CHRNA5: variants seen among roughly 807,000 people sequenced by gnomAD.
The protein encoded by CHRNA5 is neuronal acetylcholine receptor subunit alpha-5.
A neutral mutation model predicts 41.2 loss-of-function variants in CHRNA5; 28 were observed. The observed-to-expected ratio is 0.68, with a 90% CI of 0.50 to 0.93. The LOEUF is 0.93. Ranked by LOEUF, CHRNA5 falls within the 40% of genes least tolerant of loss-of-function variation. The pLI is 0.00. For missense variants in CHRNA5, 481 were observed against 581.9 expected (o/e 0.83, Z 1.78); for synonymous variants, 188 against 205.8 (o/e 0.91, Z 0.74).
chr15:78,584,220 G>A (rs909390651), intron 2 of CHRNA5, among the ~76,000 whole-genome samples: 2 of 152,098 alleles, frequency 1.3e-5, no homozygotes, highest in African/African-American at 4.8e-5. Flanking sequence ...TAAGCTCCCC[G>A]GAATCATATT....
intron 2 of CHRNA5, 23 bp downstream of exon 2, chr15:78,580,985 A>G (rs2052909363): frequency 6.2e-7 from 1 of 1,604,846 alleles, no homozygotes; most frequent in East Asian, 2.2e-5. Flanking sequence ...ATCCTTCTAT[A>G]GTCAATTTCC....
chr15:78,570,609 C>T (rs937590517), intron 1 of CHRNA5, among the ~76,000 whole-genome samples: 2 of 151,884 alleles, frequency 1.3e-5, no homozygotes, highest in African/African-American at 2.4e-5. Context: ...ATGCTCTTCT[C>T]TTCCAAAGTG....
At chr15:78,570,521 T>C (rs1205859303) in intron 1 of CHRNA5, among the ~76,000 whole-genome samples, 1 of 146,898 alleles carries the variant, frequency 6.8e-6, no homozygotes, top group Non-Finnish European at 1.5e-5. Context: ...CCGCCCGCCT[T>C]GGCTTCGCAA....
At chr15:78,583,198 C>T (rs2052928952) in intron 2 of CHRNA5, among the ~76,000 whole-genome samples, 1 of 152,102 alleles carries the variant, frequency 6.6e-6, no homozygotes, top group Non-Finnish European at 1.5e-5. Context: ...ACCTGATAGG[C>T]AACAGACACG....
At chr15:78,577,390 T>A (rs1297907306) in intron 1 of CHRNA5, among the ~76,000 whole-genome samples, 1 of 152,148 alleles carries the variant, frequency 6.6e-6, no homozygotes, top group East Asian at 1.9e-4. Flanking sequence ...ACTATCAAGG[T>A]TTTATGCTAA....
At chr15:78,574,499 T>C (rs538855117) in intron 1 of CHRNA5, among the ~76,000 whole-genome samples, 65 of 152,218 alleles carry the variant, frequency 4.3e-4, no homozygotes, top group Non-Finnish European at 2.8e-4. Context: ...TAAGATAATG[T>C]ACTTTATTTC....
At chr15:78,576,811 A>C (rs746535067) in intron 1 of CHRNA5, among the ~76,000 whole-genome samples, 52 of 151,864 alleles carry the variant, frequency 3.4e-4, no homozygotes, top group Non-Finnish European at 6.2e-4. Context: ...AAAAAAAAAA[A>C]AACAAAAAAA....
In CHRNA5 at chr15:78,565,838, T is replaced by G. The variant is rs2052741989; in HGVS notation, c.106+13T>G. The G allele has an allele frequency of 1.7e-6, 2 of 1,205,816 alleles. No homozygotes were observed. The highest frequency in any genetic ancestry group is 3.3e-5 in the African/African-American group (2 of 60,944). 74.7% of individuals were successfully genotyped at this position (1,205,816 alleles called of 1,614,324 possible). A position where few individuals can be genotyped will look rare whatever the true frequency, so the allele number is the denominator to read the frequency against. On this transcript the variant is annotated intron_variant, in intron 1 of 5. Transcript: ENST00000299565. ...GGCGCGCAGAGAGGTAAGCCCGGGC[T>G]GCAGAGGGGCGGGGCGGGAGCTGGC...
intron 1 of CHRNA5, among the ~76,000 whole-genome samples, chr15:78,567,238 G>T (rs2052758858): frequency 6.8e-6 from 1 of 147,786 alleles, no homozygotes; most frequent in Non-Finnish European, 1.5e-5. Context: ...GGGCAACACA[G>T]CGAGACTCCG....
In CHRNA5 at chr15:78,593,176, CTT is replaced by C; in HGVS notation, c.1331_1332del (p.Leu444ArgfsTer9). The C allele has an allele frequency of 6.2e-7, 1 of 1,613,738 alleles. No individual in the cohort carries two copies. The highest frequency in any genetic ancestry group is 1.1e-5 in the South Asian group (1 of 90,998). On this transcript the variant is annotated frameshift_variant, in exon 6 of 6. Transcript: ENST00000299565. LOFTEE classifies it high-confidence loss of function. ...TCTTTTCGTTTCAATTGTTGGATCT[CTT>C]GGGCTTTTTGTTCCTGTTATTTATA...
At chr15:78,585,992 C>G (rs8043214) in intron 2 of CHRNA5, among the ~76,000 whole-genome samples, 5,957 of 151,110 alleles carry the variant, frequency 0.039, 350 homozygotes, top group African/African-American at 0.12. Flanking sequence ...TGGGGTTTCA[C>G]TATGTTGGCC....
chr15:78,594,300 C>T (rs1336075608), exon 6 of CHRNA5: 1 of 152,134 alleles, frequency 6.6e-6, no homozygotes, highest in Non-Finnish European at 1.5e-5. Context: ...ATAGAACCAT[C>T]TTCTATATAA....
chr15:78,575,902 G>T (rs1342155043), intron 1 of CHRNA5, among the ~76,000 whole-genome samples: 1 of 152,180 alleles, frequency 6.6e-6, no homozygotes, highest in African/African-American at 2.4e-5. Context: ...TAAAGGTGTT[G>T]AGCATCTTTT....
chr15:78,574,332 A>G (rs1030458595), intron 1 of CHRNA5, among the ~76,000 whole-genome samples: 2 of 150,282 alleles, frequency 1.3e-5, no homozygotes, highest in African/African-American at 2.4e-5. Flanking sequence ...GTGAGCCGAG[A>G]TCGCACCAAT....
chr15:78,587,969 A>G (rs2052976566), intron 3 of CHRNA5, among the ~76,000 whole-genome samples: 1 of 152,212 alleles, frequency 6.6e-6, no homozygotes, highest in Non-Finnish European at 1.5e-5. Flanking sequence ...TTGGGTGACA[A>G]TACATCTGGA....
At chr15:78,590,722 A>G in intron 5 of CHRNA5, 86 bp downstream of exon 5, 2 of 1,092,780 alleles carry the variant, frequency 1.8e-6, no homozygotes, top group South Asian at 1.6e-5. Context: ...AGTAAACAGC[A>G]TGACCCTTAA....
intron 1 of CHRNA5, among the ~76,000 whole-genome samples, chr15:78,577,935 A>G (rs566468464): frequency 6.7e-6 from 1 of 149,246 alleles, no homozygotes; most frequent in African/African-American, 2.5e-5. Flanking sequence ...TCAAAAAAAA[A>G]AAAAAAGACA....
At chr15:78,577,632 G>T (rs980576582) in intron 1 of CHRNA5, among the ~76,000 whole-genome samples, 1 of 152,080 alleles carries the variant, frequency 6.6e-6, no homozygotes, top group Admixed American at 6.6e-5. Flanking sequence ...TCCTTTAGAT[G>T]CTATTGACAG....
chr15:78,576,025 T>C (rs2052853325), intron 1 of CHRNA5, among the ~76,000 whole-genome samples: 2 of 152,254 alleles, frequency 1.3e-5, no homozygotes, highest in African/African-American at 4.8e-5. Flanking sequence ...TAGTTCTTTA[T>C]AGATTTTAGA....
Sources: allele counts gnomAD v4.1 joint callset (sites outside exome capture counted in the v4.1 genomes callset), GRCh38; gene constraint gnomAD v4.1.1; transcripts MANE v1.5; gene names NCBI Gene and HGNC (gene_info 2026-07-23, HGNC 2026-07-21).